Variants in ASAP2 observed in about 807,000 individuals in gnomAD.
ASAP2 encodes ArfGAP with SH3 domain, ankyrin repeat and PH domain 2, also known as arf-GAP with SH3 domain, ANK repeat and PH domain-containing protein 2.
Under a neutral mutation model 131.4 loss-of-function variants are expected in ASAP2, and 45 were observed. That is an observed-to-expected ratio of 0.34 (90% CI 0.27 to 0.44). ASAP2 has a LOEUF of 0.44. ASAP2 is among the 20% of genes least tolerant of loss of function. ASAP2 has a pLI of 1.00. For missense variants in ASAP2, 1,011 were observed against 1,297.0 expected (o/e 0.78, Z 3.39); for synonymous variants, 510 against 503.0 (o/e 1.01, Z -0.19).
intron 3 of ASAP2, among the ~76,000 whole-genome samples, chr2:9,298,626 A>T (rs1176382856): frequency 6.6e-6 from 1 of 152,184 alleles, no homozygotes; most frequent in Non-Finnish European, 1.5e-5. Flanking sequence ...ACTGGCAGGC[A>T]TGCATGGTGG....
At chr2:9,397,308 A>G (rs1385079367) in intron 24 of ASAP2, among the ~76,000 whole-genome samples, 1 of 152,190 alleles carries the variant, frequency 6.6e-6, no homozygotes, top group Non-Finnish European at 1.5e-5. Context: ...TGTGAGGTGC[A>G]GGTTCCTTGT....
intron 1 of ASAP2, among the ~76,000 whole-genome samples, chr2:9,265,190 C>G (rs887001711): frequency 1.3e-5 from 2 of 152,144 alleles, no homozygotes; most frequent in African/African-American, 2.4e-5. Context: ...AGTGTAACAA[C>G]TGTTTACATA....
intron 15 of ASAP2, among the ~76,000 whole-genome samples, chr2:9,361,326 G>A (rs1673061484): frequency 6.6e-6 from 1 of 152,172 alleles, no homozygotes. Context: ...CCTGAGCTCT[G>A]GCTGGTCCTC....
chr2:9,231,471 G>A (rs370822687), intron 1 of ASAP2, among the ~76,000 whole-genome samples: 72 of 152,332 alleles, frequency 4.7e-4, no homozygotes, highest in African/African-American at 1.6e-3. Flanking sequence ...CCTGCTACCC[G>A]TTCGCTGAGA....
intron 1 of ASAP2, among the ~76,000 whole-genome samples, chr2:9,231,437 T>A (rs1258572919): frequency 6.6e-6 from 1 of 152,200 alleles, no homozygotes; most frequent in Non-Finnish European, 1.5e-5. Flanking sequence ...TTTGACAGAC[T>A]TGGGTTTGCG....
rs1553297027 is a variant in ASAP2 at position 9,254,254 on chromosome 2, T to TATATATATATTATATATAC, written c.127-25062_127-25061insTATATATATTATATATACA. ...AAAAAAAAATATATATATATATATA[T>TATATATATATTATATATAC]ACACGTGTGTGTGTATGCATATATA... On this transcript the variant is annotated intron_variant, in intron 1 of 27. Transcript: ENST00000281419. Among the ~76,000 whole-genome samples the TATATATATATTATATATAC allele has an allele frequency of 2.3e-3, 154 of 65,688 alleles. 5 individuals are homozygous for TATATATATATTATATATAC. The highest frequency in any genetic ancestry group is 0.011 in the African/African-American group (146 of 13,492). 43.1% of individuals were successfully genotyped at this position (65,688 alleles called of 152,430 possible).
chr2:9,333,316 T>C (rs1167644436), intron 7 of ASAP2, among the ~76,000 whole-genome samples: 1 of 152,238 alleles, frequency 6.6e-6, no homozygotes, highest in Non-Finnish European at 1.5e-5. Flanking sequence ...CTCCTAGAAC[T>C]TCATATCTAA....
intron 7 of ASAP2, among the ~76,000 whole-genome samples, chr2:9,329,631 C>T (rs1224080235): frequency 6.6e-6 from 1 of 152,208 alleles, no homozygotes; most frequent in East Asian, 1.9e-4. Flanking sequence ...CTTGTGTACA[C>T]AGCTCCTGTC....
In ASAP2 at chr2:9,403,759, G is replaced by A. The variant is rs1676948247; in HGVS notation, c.*432G>A. 1 of 158,614 alleles carries A rather than the reference G, an allele frequency of 6.3e-6. No individual in the cohort carries two copies. Among genetic ancestry groups the A allele is most frequent in the African/African-American group, 2.4e-5 (1 of 41,550 alleles). The allele number at this position is 158,614 out of a possible 1,614,324, so 9.8% of individuals were successfully genotyped here. On this transcript the variant is annotated 3_prime_UTR_variant, in exon 28 of 28. Coordinates refer to ENST00000281419, the MANE Select transcript of ASAP2 (RefSeq NM_003887.3). ...TGCTGCTTCAGAAGTCCATAGCCCA[G>A]CTCTGAACTTTCTCGATAAAATGCC...
chr2:9,331,514 T>A (rs1386061842), intron 7 of ASAP2, among the ~76,000 whole-genome samples: 1 of 152,168 alleles, frequency 6.6e-6, no homozygotes, highest in African/African-American at 2.4e-5. Flanking sequence ...ATGCCTGAAA[T>A]CCCAGCACTT....
intron 1 of ASAP2, among the ~76,000 whole-genome samples, chr2:9,224,775 A>G (rs900067256): frequency 1.3e-5 from 2 of 152,138 alleles, no homozygotes; most frequent in Non-Finnish European, 2.9e-5. Context: ...CCATCTGTCC[A>G]TTTATCTGTC....
chr2:9,273,913 C>T (rs138114893), intron 1 of ASAP2, among the ~76,000 whole-genome samples: 196 of 152,264 alleles, frequency 1.3e-3, no homozygotes, highest in African/African-American at 3.6e-3. Flanking sequence ...CTGTCTAGTC[C>T]CCAGGCAGGA....
intron 1 of ASAP2, among the ~76,000 whole-genome samples, chr2:9,263,242 G>C (rs531607282): frequency 2.1e-4 from 32 of 152,116 alleles, no homozygotes; most frequent in Non-Finnish European, 2.1e-4. Flanking sequence ...TTTCTACCTC[G>C]AGTCTGCTCT....
chr2:9,301,435 A>T (rs966277572), intron 3 of ASAP2, among the ~76,000 whole-genome samples: 4 of 152,230 alleles, frequency 2.6e-5, no homozygotes, highest in Non-Finnish European at 5.9e-5. Flanking sequence ...TAAAGTGCTT[A>T]TGAAGTCAGC....
In ASAP2 at chr2:9,344,534, C is replaced by G. The variant is rs768678377; in HGVS notation, c.852C>G (p.Asp284Glu). 1.3e-4 allele frequency: 209 copies of G among 1,612,866 alleles called. No homozygotes were observed. Among genetic ancestry groups the G allele is most frequent in the Non-Finnish European group, 1.8e-4 (207 of 1,179,342 alleles). Reference protein sequence around the residue: ...KSALQVEQKEDSQIRQSTAYS... With the variant: ...KSALQVEQKEESQIRQSTAYS... ...ACACACTCTTCACCATTTTTTAGGA[C>G]TCCCAAATTCGTCAGAGCACAGCTT... is the stretch of plus-strand genomic sequence containing the variant. The change falls in exon 10 of 28, where the codon GAC becomes GAG. Residue 284 changes from aspartate to glutamate, a missense_variant and splice_region_variant. Physicochemically the swap from Asp to Glu is conservative, Grantham distance 45. This residue lies in a region of ASAP2 where 359 missense variants were observed against 598.1 expected (regional missense o/e 0.60). Transcript: ENST00000281419.
chr2:9,391,701 G>A (rs903527152), intron 23 of ASAP2, among the ~76,000 whole-genome samples: 6 of 150,304 alleles, frequency 4.0e-5, no homozygotes, highest in African/African-American at 7.4e-5. Flanking sequence ...CAGCCTCCCA[G>A]GTAGCTGGGA....
chr2:9,351,635 A>G (rs966564621), intron 12 of ASAP2, among the ~76,000 whole-genome samples: 2 of 152,288 alleles, frequency 1.3e-5, no homozygotes, highest in Non-Finnish European at 2.9e-5. Context: ...CGGACTGTGT[A>G]CTGTAGGAAG....
intron 16 of ASAP2, among the ~76,000 whole-genome samples, chr2:9,368,932 G>A (rs1227173196): frequency 6.6e-6 from 1 of 151,822 alleles, no homozygotes; most frequent in African/African-American, 2.4e-5. Flanking sequence ...CAACGTCCTT[G>A]CCTCCTTGCA....
chr2:9,275,904 G>A (rs552370763), intron 1 of ASAP2, among the ~76,000 whole-genome samples: 1 of 152,180 alleles, frequency 6.6e-6, no homozygotes, highest in East Asian at 1.9e-4. Flanking sequence ...CCACAATATT[G>A]TTTTAACGTG....
Sources: gnomAD v4.1 joint callset for allele counts (sites outside exome capture counted in the v4.1 genomes callset) on GRCh38, gnomAD v4.1.1 for gene constraint, gnomAD v4.1.1 regional missense constraint, MANE v1.5 for transcripts, NCBI Gene and HGNC (gene_info 2026-07-23, HGNC 2026-07-21) for gene names.